The following ZNF74 variants were observed in gnomAD, a reference collection of about 807,000 sequenced individuals.
ZNF74 encodes zinc finger protein 520.
A neutral mutation model predicts 17.7 loss-of-function variants in ZNF74; 12 were observed. That is an observed-to-expected ratio of 0.68 (90% CI 0.43 to 1.10). The LOEUF (loss-of-function observed/expected upper bound fraction) is 1.10, where lower values mean the gene tolerates loss of function less well. Among genes scored for constraint, ZNF74 ranks in the 50% least tolerant of loss-of-function variants. The pLI, the probability that ZNF74 is intolerant of heterozygous loss-of-function variation, is 0.00. For missense variants in ZNF74, 811 were observed against 881.0 expected (o/e 0.92, Z 1.01); for synonymous variants, 358 against 362.1 (o/e 0.99, Z 0.13).
At chr22:20,403,070 C>G (rs999998963) in intron 4 of ZNF74, among the ~76,000 whole-genome samples, 1 of 152,170 alleles carries the variant, frequency 6.6e-6, no homozygotes, top group African/African-American at 2.4e-5. Context: ...AGCGTCCTCA[C>G]GTGATGTTTA....
rs188730239 is a variant in ZNF74, at chr22:20,401,733, G to T, written c.343+361G>T. ...GGCAGCTGGCGTTGGTCAGTGTCAG[G>T]GTCAGCATGAGCATCAGCATCAGGG... On this transcript the variant is annotated intron_variant, in intron 4 of 4. Transcript: ENST00000400451. This position sits in a 1 kb window ranked among gnomAD's most constrained non-coding sequence, Gnocchi z 4.2. 6.4e-3 allele frequency among the ~76,000 whole-genome samples: 972 copies of T among 152,312 alleles called. 4 individuals carry two copies. Among genetic ancestry groups the T allele is most frequent in the Non-Finnish European group, 0.01 (705 of 68,024 alleles).
chr22:20,403,613 A>C (rs2052381758), intron 4 of ZNF74, among the ~76,000 whole-genome samples: 1 of 151,934 alleles, frequency 6.6e-6, no homozygotes, highest in Admixed American at 6.6e-5. Context: ...CCTTCAAGAC[A>C]AACCATTATG....
intron 2 of ZNF74, among the ~76,000 whole-genome samples, chr22:20,397,365 G>A (rs1242344232): frequency 6.6e-6 from 1 of 152,154 alleles, no homozygotes; most frequent in African/African-American, 2.4e-5. Flanking sequence ...CTGAAATCCA[G>A]TGTTTTGGGG....
intron 2 of ZNF74, among the ~76,000 whole-genome samples, chr22:20,396,552 T>A (rs959459619): frequency 1.3e-5 from 2 of 152,192 alleles, no homozygotes; most frequent in East Asian, 1.9e-4. Flanking sequence ...GCAACTTACC[T>A]TCAAATGGTT....
intron 2 of ZNF74, among the ~76,000 whole-genome samples, chr22:20,398,991 A>G (rs1454190246): frequency 6.6e-6 from 1 of 152,164 alleles, no homozygotes; most frequent in African/African-American, 2.4e-5. Context: ...ATAACTTTCT[A>G]TTATGGATTT....
chr22:20,405,461 T>TCGG lies in ZNF74; in HGVS notation c.432_434dup (p.Gly145dup). The TCGG allele has an allele frequency of 6.2e-7, 1 of 1,612,522 alleles. No individual in the cohort carries two copies. The highest frequency in any genetic ancestry group is 8.5e-7 in the Non-Finnish European group (1 of 1,179,626). On this transcript the variant is annotated inframe_insertion, in exon 5 of 5. Coordinates refer to ENST00000400451, the MANE Select transcript of ZNF74 (RefSeq NM_003426.4). ...CAGGAGCCCATCATGGAGCGGCCCC[T>TCGG]CGGCGGGGCGCAGGCGTGGGGGCGC...
At position 20,405,526 on chromosome 22, in the gene ZNF74, G is replaced by T; in HGVS notation, c.493G>T (p.Ala165Ser). The change falls in exon 5 of 5, where the codon GCG (alanine) becomes TCG (serine). Residue 165 changes from alanine (A) to serine (S), a missense_variant. Coordinates refer to ENST00000400451, the MANE Select transcript of ZNF74 (RefSeq NM_003426.4). ...ALQRSQAAPW[A>S]PAPAMVWDVP... ...GCAGAGGAGTCAGGCTGCGCCCTGG[G>T]CGCCCGCACCTGCCATGGTCTGGGA... 6.2e-7 allele frequency: 1 copy of T among 1,602,364 alleles called. No homozygotes were observed. Among genetic ancestry groups the T allele is most frequent in the East Asian group, 2.2e-5 (1 of 44,678 alleles).
chr22:20,406,681 C>T lies in ZNF74; in HGVS notation c.1648C>T (p.His550Tyr), dbSNP rs2052434556. 6.2e-7 allele frequency: 1 copy of T among 1,614,088 alleles called. No individual in the cohort carries two copies. The highest frequency in any genetic ancestry group is 1.3e-5 in the African/African-American group (1 of 74,928). Residue 550 changes from histidine (H) to tyrosine (Y), a missense_variant, in exon 5 of 5, where the codon CAC (histidine) becomes TAC (tyrosine). His to Tyr is a moderately conservative substitution (Grantham distance 83). Coordinates refer to ENST00000400451, the MANE Select transcript of ZNF74 (RefSeq NM_003426.4). ...CTGTCTCATTAAACATCAGAAAATCCACTCCGGGGAGAAGTCGTTTAAGTG... is the reference window on the plus strand; with the variant it reads ...CTGTCTCATTAAACATCAGAAAATCTACTCCGGGGAGAAGTCGTTTAAGTG... ...NHCLIKHQKI[H>Y]SGEKSFKCEK...
chr22:20,404,514 G>A (rs900487619), intron 4 of ZNF74, among the ~76,000 whole-genome samples: 1 of 151,956 alleles, frequency 6.6e-6, no homozygotes, highest in Non-Finnish European at 1.5e-5. Context: ...TTTTGTAGAG[G>A]GGTCTCACTG....
intron 3 of ZNF74, 65 bp downstream of exon 3, chr22:20,400,823 A>T: frequency 6.4e-7 from 1 of 1,569,170 alleles, no homozygotes; most frequent in Non-Finnish European, 8.7e-7. Flanking sequence ...GTAGATATTA[A>T]GGAGAATCCC....
chr22:20,398,057 G>A (rs976069055), intron 2 of ZNF74, among the ~76,000 whole-genome samples: 1 of 152,160 alleles, frequency 6.6e-6, no homozygotes, highest in African/African-American at 2.4e-5. Context: ...AGTGGCTCAC[G>A]CCTGTAACCC....
At chr22:20,397,913 T>G (rs2052313430) in intron 2 of ZNF74, among the ~76,000 whole-genome samples, 1 of 152,212 alleles carries the variant, frequency 6.6e-6, no homozygotes, top group South Asian at 2.1e-4. Flanking sequence ...CTTCACATGG[T>G]CTTACCTCTT....
intron 3 of ZNF74, 127 bp downstream of exon 3, chr22:20,400,885 G>A: frequency 8.3e-7 from 1 of 1,208,342 alleles, no homozygotes; most frequent in Non-Finnish European, 1.2e-6. Context: ...AGCAAGGCCT[G>A]TGCCTTGGGG....
At chr22:20,398,797 T>C (rs1468891655) in intron 2 of ZNF74, among the ~76,000 whole-genome samples, 2 of 142,208 alleles carry the variant, frequency 1.4e-5, no homozygotes, top group African/African-American at 4.9e-5. Flanking sequence ...TTTTTCCTCA[T>C]ATAGCATTCA....
chr22:20,394,827 C>T (rs2052274021), intron 1 of ZNF74, 165 bp downstream of exon 1: 2 of 636,916 alleles, frequency 3.1e-6, no homozygotes, highest in Admixed American at 2.8e-5. Context: ...ATGGCTTGAT[C>T]TCCGCTCACT....
chr22:20,407,280 G>T lies in ZNF74; in HGVS notation c.*312G>T. 2.8e-6 allele frequency: 1 copy of T among 353,892 alleles called. No homozygotes were observed. Among genetic ancestry groups the T allele is most frequent in the Admixed American group, 4.5e-5 (1 of 22,144 alleles). The allele number at this position is 353,892 out of a possible 1,614,324, so 21.9% of individuals were successfully genotyped here. On this transcript the variant is annotated 3_prime_UTR_variant, in exon 5 of 5. Transcript: ENST00000400451. ...CCAATAAAAAGAAGGGATATCGTTG[G>T]GTGCCATGGCTCACACCTGTAATCT...
In ZNF74 at chr22:20,405,836, G is replaced by T; in HGVS notation, c.803G>T (p.Arg268Leu). ...AGCTCCTCCCTCACGCTGCACCGGCGCTGGCACAGCCGGGAGAAGGCTTAC... is the reference window on the plus strand; with the variant it reads ...AGCTCCTCCCTCACGCTGCACCGGCTCTGGCACAGCCGGGAGAAGGCTTAC... ...RQSSSLTLHR[R>L]WHSREKAYKC... Residue 268 changes from arginine to leucine, a missense_variant, in exon 5 of 5, where the codon CGC becomes CTC. Around this residue, in one of 3 missense-constraint regions of ZNF74, gnomAD observed 666 missense variants for 702.3 expected, o/e 0.95. Transcript: ENST00000400451. 1.2e-6 allele frequency: 2 copies of T among 1,613,476 alleles called. No individual in the cohort carries two copies. The highest frequency in any genetic ancestry group is 1.7e-6 in the Non-Finnish European group (2 of 1,179,916).
Position 20,406,330 on chromosome 22 carries a change from C to A in ZNF74, c.1297C>A (p.Leu433Ile). Residue 433 changes from leucine (L) to isoleucine (I), a missense_variant, in exon 5 of 5, where the codon CTC becomes ATC. This residue lies in a region of ZNF74 where 666 missense variants were observed against 702.3 expected (regional missense o/e 0.95). Transcript: ENST00000400451. ...CTTCAACAGCCGCTCGCGCCTCACC[C>A]TCCACCAGAGGACGCACACGGGCGA... Reference protein sequence around the residue: ...KAFNSRSRLTLHQRTHTGEKP... With the variant: ...KAFNSRSRLTIHQRTHTGEKP... The A allele has an allele frequency of 6.2e-7, 1 of 1,611,928 alleles. No individual in the cohort carries two copies. Among genetic ancestry groups the A allele is most frequent in the Non-Finnish European group, 8.5e-7 (1 of 1,179,688 alleles).
In ZNF74 at chr22:20,405,983, C is replaced by G. The variant is rs1267241403; in HGVS notation, c.950C>G (p.Ser317Trp). The G allele has an allele frequency of 5.0e-6, 8 of 1,613,800 alleles. No homozygotes were observed. Among genetic ancestry groups the G allele is most frequent in the Non-Finnish European group, 6.8e-6 (8 of 1,179,928 alleles). ...TGCGGGAAGGCCTTCAGCTGCCACTCGTCCCTCAACGTGCACCAGCGCATC... is the reference window on the plus strand; with the variant it reads ...TGCGGGAAGGCCTTCAGCTGCCACTGGTCCCTCAACGTGCACCAGCGCATC... ...GECGKAFSCH[S>W]SLNVHQRIHT... The change falls in exon 5 of 5, where the codon TCG (serine) becomes TGG (tryptophan). Residue 317 changes from serine (S) to tryptophan (W), a missense_variant. Ser to Trp is a radical substitution (Grantham distance 177, BLOSUM62 -3). Around this residue, in one of 3 missense-constraint regions of ZNF74, gnomAD observed 666 missense variants for 702.3 expected, o/e 0.95. Transcript: ENST00000400451.
Sources: gnomAD v4.1 joint callset for allele counts (sites outside exome capture counted in the v4.1 genomes callset) on GRCh38, gnomAD v4.1.1 for gene constraint, gnomAD v4.1.1 regional missense constraint, Gnocchi (gnomAD v3.1) non-coding constraint, MANE v1.5 for transcripts, NCBI Gene and HGNC (gene_info 2026-07-23, HGNC 2026-07-21) for gene names.